The following TADA2A variants were observed in gnomAD, a reference collection of about 807,000 sequenced individuals.
TADA2A encodes transcriptional adaptor 2A, also known as transcriptional adapter 2-alpha.
Under a neutral mutation model 67.4 loss-of-function variants are expected in TADA2A, and 38 were observed. The ratio of observed to expected loss-of-function variants is 0.56; its 90% CI spans 0.44 to 0.74. The LOEUF (loss-of-function observed/expected upper bound fraction) is 0.74, where lower values mean the gene tolerates loss of function less well. Ranked by LOEUF, TADA2A falls within the 30% of genes least tolerant of loss-of-function variation. TADA2A has a pLI of 0.00. For synonymous variants in TADA2A, 192 were observed against 181.6 expected, an observed-to-expected ratio of 1.06 and a Z score of -0.46; for missense variants, 454 against 547.0, an observed-to-expected ratio of 0.83 and a Z score of 1.70.
In TADA2A at chr17:37,462,081, T is replaced by G. The variant is rs755590586; in HGVS notation, c.672T>G (p.Ile224Met). Residue 224 changes from isoleucine to methionine, a missense_variant, in exon 10 of 16, where the codon ATT becomes ATG. Ile to Met is a conservative substitution (Grantham distance 10). Transcript: ENST00000615182. ...RLKERQRRKKIIRDHGLINLR... is the reference protein window; with the variant it reads ...RLKERQRRKKMIRDHGLINLR... The stretch of plus-strand genomic sequence containing the variant: ...TTATTGTGGCTTTTCATTCTAGAAT[T>G]ATAAGAGACCATGGATTAATCAACC... The G allele has an allele frequency of 6.4e-7, 1 of 1,570,432 alleles. No homozygotes were observed. The highest frequency in any genetic ancestry group is 1.2e-5 in the South Asian group (1 of 86,478).
intron 1 of TADA2A, among the ~76,000 whole-genome samples, chr17:37,410,703 ATAAC>A (rs1242842171): frequency 3.3e-5 from 5 of 152,214 alleles, no homozygotes; most frequent in Non-Finnish European, 5.9e-5. Flanking sequence ...ATTCTAGTGA[ATAAC>A]TAAGCTCCAA....
intron 8 of TADA2A, among the ~76,000 whole-genome samples, chr17:37,450,103 G>A (rs888115511): frequency 4.6e-5 from 7 of 152,160 alleles, no homozygotes; most frequent in African/African-American, 1.7e-4. Flanking sequence ...AACTCATAAT[G>A]TCTTAAAAAA....
At chr17:37,412,097 G>A (rs1300614044) in intron 2 of TADA2A, among the ~76,000 whole-genome samples, 5 of 151,832 alleles carry the variant, frequency 3.3e-5, no homozygotes, top group Non-Finnish European at 5.9e-5. Context: ...TGTAGTCCCA[G>A]CTACTTGGGA....
chr17:37,432,623 C>T (rs1400537001), intron 4 of TADA2A, among the ~76,000 whole-genome samples: 2 of 152,150 alleles, frequency 1.3e-5, no homozygotes, highest in Non-Finnish European at 2.9e-5. Context: ...GCCTTGCCCA[C>T]GTTTAGGCTA....
At chr17:37,470,052 A>G (rs2148043253) in intron 12 of TADA2A, among the ~76,000 whole-genome samples, 2 of 152,350 alleles carry the variant, frequency 1.3e-5, no homozygotes, top group Middle Eastern at 6.8e-3. Flanking sequence ...AATTTATAAA[A>G]ATAGAAAAAA....
At chr17:37,464,887 A>ACC in intron 10 of TADA2A, among the ~76,000 whole-genome samples, 1 of 136,664 alleles carries the variant, frequency 7.3e-6, no homozygotes, top group Non-Finnish European at 1.6e-5. Context: ...TGGCTCATGC[A>ACC]TGTAATCCCA....
chr17:37,462,187 A>G, intron 10 of TADA2A, 66 bp downstream of exon 10: 2 of 1,112,324 alleles, frequency 1.8e-6, no homozygotes, highest in Non-Finnish European at 2.6e-6. Context: ...TTTTAAATAA[A>G]TCACGTATTG....
At chr17:37,471,897 A>G (rs978462298) in intron 14 of TADA2A, among the ~76,000 whole-genome samples, 5 of 152,112 alleles carry the variant, frequency 3.3e-5, no homozygotes, top group African/African-American at 4.8e-5. Context: ...AAGTATTTCT[A>G]TTTCTTCGTT....
chr17:37,471,740 A>T (rs1325106098), intron 14 of TADA2A, among the ~76,000 whole-genome samples: 1 of 152,098 alleles, frequency 6.6e-6, no homozygotes, highest in Non-Finnish European at 1.5e-5. Context: ...TCCTGACCTC[A>T]AGTGAGGCAC....
chr17:37,465,373 G>T, intron 10 of TADA2A, 58 bp from the exon 11 acceptor site: 1 of 1,336,406 alleles, frequency 7.5e-7, no homozygotes, highest in Non-Finnish European at 1.0e-6. Flanking sequence ...AAAAAATGCT[G>T]AAAACTCAGG....
rs530258382 is a variant in TADA2A, at chr17:37,437,980, A to C, written c.284+151A>C. The C allele has an allele frequency of 1.0e-5, 7 of 684,498 alleles. No homozygotes were observed. In the East Asian group the frequency reaches 1.9e-4, roughly 18 times the overall value. 42.4% of individuals were successfully genotyped at this position (684,498 alleles called of 1,614,324 possible). ...AGAGGCAAGTTAGTCCCCTCTGTACATTATTTTTCCAGTGTCGAAATGTGT... is the reference window on the plus strand; with the variant it reads ...AGAGGCAAGTTAGTCCCCTCTGTACCTTATTTTTCCAGTGTCGAAATGTGT... On this transcript the variant is annotated intron_variant, in intron 5 of 15. Coordinates refer to ENST00000615182, the MANE Select transcript of TADA2A (RefSeq NM_001166105.3).
chr17:37,455,077 A>T (rs2053347889), intron 8 of TADA2A: 1 of 152,920 alleles, frequency 6.5e-6, no homozygotes, highest in Admixed American at 6.5e-5. Context: ...CCACAAATAC[A>T]TTCAGTAATT....
chr17:37,424,929 T>G (rs111856553), intron 3 of TADA2A, among the ~76,000 whole-genome samples: 8,935 of 152,128 alleles, frequency 0.059, 316 homozygotes, highest in Middle Eastern at 0.099. Flanking sequence ...TGGCGTGATC[T>G]CGGTTCACTG....
chr17:37,470,432 C>T lies in TADA2A; in HGVS notation c.928C>T (p.Arg310Trp), dbSNP rs752832027. The change falls in exon 13 of 16, where the codon CGG becomes TGG. Residue 310 changes from arginine to tryptophan, a missense_variant. By Grantham distance (101) the Arg-to-Trp change is moderately radical. Coordinates refer to ENST00000615182, the MANE Select transcript of TADA2A (RefSeq NM_001166105.3). ...AACCTACGATCACCTCAAGAAGACA[C>T]GGGAGGAAGAGCGCCTTAAACGCAC... ...ARTYDHLKKT[R>W]EEERLKRTML... 4.3e-6 allele frequency: 7 copies of T among 1,613,636 alleles called. No homozygotes were observed. The highest frequency in any genetic ancestry group is 2.2e-5 in the East Asian group (1 of 44,816).
chr17:37,433,436 T>C (rs1307077820), intron 4 of TADA2A, among the ~76,000 whole-genome samples: 1 of 152,086 alleles, frequency 6.6e-6, no homozygotes, highest in African/African-American at 2.4e-5. Context: ...GGTAGGAGAA[T>C]TGTTTGAGTC....
intron 2 of TADA2A, among the ~76,000 whole-genome samples, chr17:37,415,353 C>A (rs557845380): frequency 4.3e-4 from 66 of 152,186 alleles, no homozygotes; most frequent in African/African-American, 1.5e-3. Flanking sequence ...TTTATAGTTG[C>A]ATAATACTTC....
chr17:37,447,649 G>A (rs1389369703), intron 8 of TADA2A, among the ~76,000 whole-genome samples: 1 of 152,150 alleles, frequency 6.6e-6, no homozygotes, highest in African/African-American at 2.4e-5. Context: ...AAAGAAGCTT[G>A]TCAGCACTAC....
chr17:37,436,747 C>G (rs1325970547), intron 4 of TADA2A, among the ~76,000 whole-genome samples: 1 of 151,690 alleles, frequency 6.6e-6, no homozygotes, highest in East Asian at 1.9e-4. Flanking sequence ...ATAGATGTCT[C>G]TACCCTGTTC....
intron 12 of TADA2A, among the ~76,000 whole-genome samples, chr17:37,469,551 T>C (rs2053741185): frequency 6.6e-6 from 1 of 152,048 alleles, no homozygotes; most frequent in Non-Finnish European, 1.5e-5. Flanking sequence ...GAGAATGGCT[T>C]GAACCTGGGA....
Sources: allele counts gnomAD v4.1 joint callset (sites outside exome capture counted in the v4.1 genomes callset), GRCh38; gene constraint gnomAD v4.1.1; transcripts MANE v1.5; gene names NCBI Gene and HGNC (gene_info 2026-07-23, HGNC 2026-07-21).